The following AP3D1 variants were observed in gnomAD, a reference collection of about 807,000 sequenced individuals.
AP3D1 encodes AP-3 complex subunit delta-1.
In AP3D1, 51 loss-of-function variants were observed where a neutral mutation model predicts 147.6. The ratio of observed to expected loss-of-function variants is 0.35; its 90% CI spans 0.28 to 0.44. AP3D1 has a LOEUF of 0.44. Among genes scored for constraint, AP3D1 ranks in the 20% least tolerant of loss-of-function variants. The pLI is 1.00. For synonymous variants in AP3D1, 760 were observed against 663.0 expected, an observed-to-expected ratio of 1.15 and a Z score of -2.25; for missense variants, 1,421 against 1,624.2, an observed-to-expected ratio of 0.87 and a Z score of 2.15.
chr19:2,116,197 C>T lies in AP3D1; in HGVS notation c.2073+10G>A, dbSNP rs201444417. The T allele has an allele frequency of 4.8e-5, 78 of 1,613,944 alleles. No individual in the cohort carries two copies. The Admixed American group carries it at 5.5e-4, about 11-fold the overall frequency. ...GTGCTGAGGGACAGGCACCCGGGGA[C>T]GGGCCTCACCTTCTGTGGCGATGGC... On this transcript the variant is annotated intron_variant, in intron 18 of 31. Coordinates refer to ENST00000643116, the MANE Select transcript of AP3D1 (RefSeq NM_001261826.3).
chr19:2,133,206 G>C (rs564598494), intron 4 of AP3D1, among the ~76,000 whole-genome samples: 2 of 152,022 alleles, frequency 1.3e-5, no homozygotes, highest in Admixed American at 6.6e-5. Context: ...GTCCCTTTCC[G>C]CAACAACTGA....
chr19:2,164,509 G>T (rs917315796), upstream of AP3D1: 11 of 309,174 alleles, frequency 3.6e-5, no homozygotes, highest in Non-Finnish European at 6.5e-5. Context: ...GCCCTACCGC[G>T]GTGCCGTTGC....
Position 2,113,313 on chromosome 19 carries a change from C to A in AP3D1, c.2679+23G>T, listed in dbSNP as rs1217641925. The A allele has an allele frequency of 4.5e-6, 5 of 1,103,288 alleles. No individual in the cohort carries two copies. The Admixed American group carries it at 1.1e-4, about 25-fold the overall frequency. 68.3% of individuals were successfully genotyped at this position (1,103,288 alleles called of 1,614,324 possible). ...ACCTCTGCAGACACCGAGGCTGGCACTGGCCAGCTGCCAGTCTCTTACCGT... is the reference window on the plus strand; with the variant it reads ...ACCTCTGCAGACACCGAGGCTGGCAATGGCCAGCTGCCAGTCTCTTACCGT... On this transcript the variant is annotated intron_variant, in intron 23 of 31. Coordinates refer to ENST00000643116, the MANE Select transcript of AP3D1 (RefSeq NM_001261826.3).
chr19:2,138,761 G>A (rs1298433676), intron 1 of AP3D1, 47 bp from the exon 2 acceptor site: 2 of 1,373,798 alleles, frequency 1.5e-6, no homozygotes, highest in Non-Finnish European at 2.1e-6. Flanking sequence ...CAGCTAAGAG[G>A]GCTGGAATAA....
chr19:2,108,967 C>T (rs2018187818), intron 30 of AP3D1, 119 bp downstream of exon 30: 31 of 1,503,474 alleles, frequency 2.1e-5, no homozygotes, highest in South Asian at 8.8e-5. Flanking sequence ...ACCAGCCACC[C>T]GGGATCCCAA....
At position 2,109,969 on chromosome 19, in the gene AP3D1, G is replaced by A. The variant is rs768790210; in HGVS notation, c.3265-11C>T. On this transcript the variant is annotated splice_polypyrimidine_tract_variant and intron_variant, in intron 28 of 31. Coordinates refer to ENST00000643116, the MANE Select transcript of AP3D1 (RefSeq NM_001261826.3). ...CGCACCCTCGTCATTCTGCGGTGGA[G>A]TGAAGGTGGTGCAGTTGAGAGGGGA... is the stretch of plus-strand genomic sequence containing the variant. The A allele has an allele frequency of 1.2e-5, 20 of 1,613,338 alleles. No homozygotes were observed. Among genetic ancestry groups the A allele is most frequent in the Non-Finnish European group, 7.6e-6 (9 of 1,179,824 alleles).
At chr19:2,164,297 C>T (rs1434759816) in intron 1 of AP3D1, 2 of 1,238,178 alleles carry the variant, frequency 1.6e-6, no homozygotes, top group South Asian at 7.9e-5. Context: ...CCCTACCTCC[C>T]GGCCTCCCCT....
At chr19:2,138,920 C>T (rs1481013598) in intron 1 of AP3D1, among the ~76,000 whole-genome samples, 2 of 151,676 alleles carry the variant, frequency 1.3e-5, no homozygotes, top group Non-Finnish European at 2.9e-5. Context: ...ATTAGCTGGG[C>T]GTGGTGGCGG....
At position 2,121,327 on chromosome 19, in the gene AP3D1, C is replaced by T. The variant is rs377438666; in HGVS notation, c.1102-16G>A. The stretch of plus-strand genomic sequence containing the variant: ...TCTTGGACACCTGGGCAAAAGTGTA[C>T]AGACAGTGGTGAGAGCGGACCCAGC... On this transcript the variant is annotated splice_polypyrimidine_tract_variant and intron_variant, in intron 12 of 31. Coordinates refer to ENST00000643116, the MANE Select transcript of AP3D1 (RefSeq NM_001261826.3). 9.5e-5 allele frequency: 154 copies of T among 1,613,580 alleles called. No individual in the cohort carries two copies. The highest frequency in any genetic ancestry group is 1.3e-4 in the Non-Finnish European group (148 of 1,179,846).
chr19:2,122,393 C>A (rs1158702261), intron 11 of AP3D1, among the ~76,000 whole-genome samples: 3 of 152,226 alleles, frequency 2.0e-5, no homozygotes, highest in Non-Finnish European at 4.4e-5. Flanking sequence ...CATTCACATA[C>A]TGCCATCCAC....
At chr19:2,109,705 C>G in intron 29 of AP3D1, 168 bp downstream of exon 29, 1 of 655,230 alleles carries the variant, frequency 1.5e-6, no homozygotes, top group Non-Finnish European at 2.7e-6. Flanking sequence ...ACGGCCCCGG[C>G]TGGCGCAGAC....
intron 1 of AP3D1, among the ~76,000 whole-genome samples, chr19:2,147,968 G>A (rs550913093): frequency 6.6e-6 from 1 of 151,954 alleles, no homozygotes; most frequent in African/African-American, 2.4e-5. Context: ...AGGATCACGA[G>A]GACAGGAGAT....
At chr19:2,144,894 C>T (rs1040685068) in intron 1 of AP3D1, among the ~76,000 whole-genome samples, 11 of 152,070 alleles carry the variant, frequency 7.2e-5, no homozygotes, top group African/African-American at 2.7e-4. Flanking sequence ...CAGAGGGAGA[C>T]TATGTCTCCA....
At position 2,130,444 on chromosome 19, in the gene AP3D1, G is replaced by A; in HGVS notation, c.556C>T (p.Pro186Ser). Reference sequence around the variant, plus strand: ...TCCTCCAGCTTCTCCTTCAGCCGGGGAAAGGCAGGGCGCAGCGACTCGGGG... The same window carrying A: ...TCCTCCAGCTTCTCCTTCAGCCGGGAAAAGGCAGGGCGCAGCGACTCGGGG... Reference protein sequence around the residue: ...KYPESLRPAFPRLKEKLEDPD... With the variant: ...KYPESLRPAFSRLKEKLEDPD... The change falls in exon 6 of 32, where the codon CCC becomes TCC. Residue 186 changes from proline (P) to serine (S), a missense_variant. Coordinates refer to ENST00000643116, the MANE Select transcript of AP3D1 (RefSeq NM_001261826.3). 3 of 1,614,068 alleles carry A rather than the reference G, an allele frequency of 1.9e-6. No homozygotes were observed. The highest frequency in any genetic ancestry group is 2.5e-6 in the Non-Finnish European group (3 of 1,180,018).
chr19:2,164,486 C>T (rs2144622399), upstream of AP3D1: 1 of 322,970 alleles, frequency 3.1e-6, no homozygotes, highest in Non-Finnish European at 5.6e-6. Flanking sequence ...GGAGCGGGAG[C>T]CGGCGCCCCC....
intron 31 of AP3D1, among the ~76,000 whole-genome samples, chr19:2,103,027 G>A (rs2018001942): frequency 6.6e-6 from 1 of 152,094 alleles, no homozygotes; most frequent in South Asian, 2.1e-4. Context: ...GGGAGGCTGA[G>A]GCGGGAGGGT....
rs1350753833 is a variant in AP3D1 at position 2,115,304 on chromosome 19, C to T, written c.2264G>A (p.Arg755His). Residue 755 changes from arginine to histidine, a missense_variant, in exon 20 of 32, where the codon CGC becomes CAC. Physicochemically the swap from Arg to His is conservative, Grantham distance 29. Transcript: ENST00000643116. The stretch of plus-strand genomic sequence containing the variant: ...CTCCGTGGGCAGCGAGCTGTGGCGG[C>T]GCTTGCCCTTCTTCTCCTTCTCCTT... Reference protein sequence around the residue: ...KRKEKEKKGKRRHSSLPTESD... With the variant: ...KRKEKEKKGKHRHSSLPTESD... 14 of 1,612,616 alleles carry T rather than the reference C, an allele frequency of 8.7e-6. No homozygotes were observed. Among genetic ancestry groups the T allele is most frequent in the South Asian group, 2.2e-5 (2 of 91,094 alleles).
intron 29 of AP3D1, 76 bp downstream of exon 29, chr19:2,109,797 C>G (rs965616910): frequency 2.1e-6 from 3 of 1,396,596 alleles, no homozygotes; most frequent in Non-Finnish European, 2.0e-6. Context: ...CCTCAGTCCC[C>G]GGGGCACAGG....
intron 1 of AP3D1, among the ~76,000 whole-genome samples, chr19:2,161,085 A>T (rs1400691735): frequency 1.3e-5 from 2 of 150,256 alleles, no homozygotes; most frequent in Non-Finnish European, 3.0e-5. Context: ...AGGGAGAGAG[A>T]GGAGGTGAGT....
Sources: allele counts gnomAD v4.1 joint callset (sites outside exome capture counted in the v4.1 genomes callset), GRCh38; gene constraint gnomAD v4.1.1; transcripts MANE v1.5; gene names NCBI Gene and HGNC (gene_info 2026-07-23, HGNC 2026-07-21).